ARSJ: variants seen among roughly 807,000 people sequenced by gnomAD.
ARSJ encodes arylsulfatase family member J, also known as arylsulfatase J.
A neutral mutation model predicts 35.9 loss-of-function variants in ARSJ; 26 were observed. The observed-to-expected ratio is 0.72, with a 90% CI of 0.53 to 1.00. The LOEUF (loss-of-function observed/expected upper bound fraction) is 1.00, where lower values mean the gene tolerates loss of function less well. ARSJ is among the 50% of genes least tolerant of loss of function. The pLI is 0.00. For synonymous variants in ARSJ, 294 were observed against 267.6 expected, an observed-to-expected ratio of 1.10 and a Z score of -0.96; for missense variants, 667 against 723.6, an observed-to-expected ratio of 0.92 and a Z score of 0.90.
intron 1 of ARSJ, among the ~76,000 whole-genome samples, chr4:113,925,987 C>G: frequency 6.6e-6 from 1 of 152,090 alleles, no homozygotes. Context: ...AACCTCCATC[C>G]CTGCCACCAT....
At chr4:113,927,247 A>G (rs1248730245) in intron 1 of ARSJ, among the ~76,000 whole-genome samples, 1 of 152,002 alleles carries the variant, frequency 6.6e-6, no homozygotes, top group African/African-American at 2.4e-5. Context: ...AACAGACCCC[A>G]CTCCACTGGA....
Position 113,909,946 on chromosome 4 carries a change from A to G in ARSJ, c.399-6271T>C, listed in dbSNP as rs578097906. Reference sequence around the variant, plus strand: ...GGAAGATTCCACAAACATCGATTATATATTTAACATTTATTTGTATAATAT... The same window carrying G: ...GGAAGATTCCACAAACATCGATTATGTATTTAACATTTATTTGTATAATAT... On this transcript the variant is annotated intron_variant, in intron 1 of 1. Coordinates refer to ENST00000315366, the MANE Select transcript of ARSJ (RefSeq NM_024590.4). 2.7e-4 allele frequency among the ~76,000 whole-genome samples: 41 copies of G among 152,296 alleles called. No individual in the cohort carries two copies. The South Asian group carries it at 8.1e-3, about 30-fold the overall frequency.
chr4:113,912,227 A>C (rs1387522216), intron 1 of ARSJ, among the ~76,000 whole-genome samples: 1 of 152,200 alleles, frequency 6.6e-6, no homozygotes, highest in African/African-American at 2.4e-5. Context: ...GAAAAGCAAG[A>C]AGCAGCATTA....
rs1473742903 is a variant in ARSJ, at chr4:113,903,853, T to TA, written c.399-179dup. The stretch of plus-strand genomic sequence containing the variant: ...CTTTACTCACAAGTCTTACTCTAAT[T>TA]AACTTCCTATTTAACATTTGAAATG... On this transcript the variant is annotated intron_variant, in intron 1 of 1. Transcript: ENST00000315366. 1.9e-3 allele frequency among the ~76,000 whole-genome samples: 282 copies of TA among 151,814 alleles called. 4 individuals are homozygous for TA. Among genetic ancestry groups the TA allele is most frequent in the African/African-American group, 6.6e-3 (269 of 41,056 alleles).
At chr4:113,968,411 A>C (rs1727027657) in intron 1 of ARSJ, among the ~76,000 whole-genome samples, 1 of 152,216 alleles carries the variant, frequency 6.6e-6, no homozygotes, top group African/African-American at 2.4e-5. Flanking sequence ...AGTATGCAGA[A>C]AAGACGGTAG....
chr4:113,948,952 A>G (rs1011947255), intron 1 of ARSJ, among the ~76,000 whole-genome samples: 1 of 152,160 alleles, frequency 6.6e-6, no homozygotes, highest in Non-Finnish European at 1.5e-5. Flanking sequence ...ATGCCCATCA[A>G]TGATAGACTG....
chr4:113,964,727 T>C (rs11733587), intron 1 of ARSJ, among the ~76,000 whole-genome samples: 49,762 of 151,938 alleles, frequency 0.33, 9,303 homozygotes, highest in Non-Finnish European at 0.44. Context: ...CGCAGTGTTA[T>C]TCAGTATGGT....
intron 1 of ARSJ, among the ~76,000 whole-genome samples, chr4:113,949,763 T>G (rs911815756): frequency 2.6e-4 from 39 of 152,216 alleles, no homozygotes; most frequent in African/African-American, 9.1e-4. Flanking sequence ...CATCTGAATA[T>G]GAAGAAATGA....
At chr4:113,925,453 G>A (rs1419398787) in intron 1 of ARSJ, among the ~76,000 whole-genome samples, 1 of 152,092 alleles carries the variant, frequency 6.6e-6, no homozygotes, top group African/African-American at 2.4e-5. Flanking sequence ...CTGATTCAGA[G>A]CATACATGAC....
chr4:113,978,171 G>A (rs1727705491), intron 1 of ARSJ, among the ~76,000 whole-genome samples: 1 of 152,058 alleles, frequency 6.6e-6, no homozygotes, highest in Non-Finnish European at 1.5e-5. Flanking sequence ...CTGGTTTGTG[G>A]GTATTTATAC....
Position 113,902,784 on chromosome 4 carries a change from T to C in ARSJ, c.1290A>G (p.Lys430=). The change falls in exon 2 of 2, where the codon AAA becomes AAG. Residue 430 remains lysine, a synonymous_variant. Transcript: ENST00000315366. ...HNIDPIYTKA[K]NGSWAAGYGI... is the part of the protein sequence containing the mutation. The stretch of plus-strand genomic sequence containing the variant: ...CATAGCCTGCTGCCCAGGAGCCATT[T>C]TTTGCCTTGGTGTATATGGGGTCAA... The C allele has an allele frequency of 1.2e-6, 2 of 1,614,166 alleles. No individual in the cohort carries two copies. Among genetic ancestry groups the C allele is most frequent in the Non-Finnish European group, 1.7e-6 (2 of 1,180,028 alleles).
chr4:113,933,304 T>C (rs1403921304), intron 1 of ARSJ, among the ~76,000 whole-genome samples: 1 of 151,770 alleles, frequency 6.6e-6, no homozygotes, highest in African/African-American at 2.4e-5. Flanking sequence ...CTACTAAAAA[T>C]CTTCAAAAAA....
chr4:113,961,960 T>C (rs1726574321), intron 1 of ARSJ, among the ~76,000 whole-genome samples: 1 of 151,580 alleles, frequency 6.6e-6, no homozygotes, highest in Non-Finnish European at 1.5e-5. Flanking sequence ...TGATATTTGA[T>C]GCAATCAATA....
chr4:113,971,245 A>C (rs550514655), intron 1 of ARSJ, among the ~76,000 whole-genome samples: 1 of 152,330 alleles, frequency 6.6e-6, no homozygotes, highest in South Asian at 2.1e-4. Context: ...AAAGACTTTT[A>C]TACTGAGCTC....
At chr4:113,951,817 A>C (rs970321377) in intron 1 of ARSJ, among the ~76,000 whole-genome samples, 2 of 152,026 alleles carry the variant, frequency 1.3e-5, no homozygotes, top group African/African-American at 4.8e-5. Context: ...TGCGTTTAAG[A>C]GTTTGAGGGG....
chr4:113,938,753 G>A (rs1403513859), intron 1 of ARSJ, among the ~76,000 whole-genome samples: 2 of 151,736 alleles, frequency 1.3e-5, no homozygotes, highest in African/African-American at 2.4e-5. Context: ...TAAAAATGGG[G>A]CAAAGTAGGT....
chr4:113,920,098 G>A (rs1392200378), intron 1 of ARSJ, among the ~76,000 whole-genome samples: 1 of 152,044 alleles, frequency 6.6e-6, no homozygotes, highest in Non-Finnish European at 1.5e-5. Flanking sequence ...GTTGGAGTAG[G>A]ACCTTAGAGC....
At chr4:113,961,439 C>T (rs1726532412) in intron 1 of ARSJ, among the ~76,000 whole-genome samples, 1 of 152,060 alleles carries the variant, frequency 6.6e-6, no homozygotes, top group Admixed American at 6.6e-5. Flanking sequence ...GATTTCAATA[C>T]TGTGTGTGGT....
In ARSJ at chr4:113,902,317, G is replaced by A. The variant is rs1383796278; in HGVS notation, c.1757C>T (p.Ala586Val). 6.2e-7 allele frequency: 1 copy of A among 1,612,876 alleles called. No homozygotes were observed. Among genetic ancestry groups the A allele is most frequent in the South Asian group, 1.1e-5 (1 of 91,062 alleles). ...SKKKKKKQQK[A>V]VSGSTCHSGV... ...TGAATGGCAAGTTGAACCTGAGACT[G>A]CTTTCTGCTGTTTCTTCTTCTTTTT... Residue 586 changes from alanine to valine, a missense_variant, in exon 2 of 2, where the codon GCA (alanine) becomes GTA (valine). By Grantham distance (64) the Ala-to-Val change is moderately conservative. Coordinates refer to ENST00000315366, the MANE Select transcript of ARSJ (RefSeq NM_024590.4).
Sources: gnomAD v4.1 joint callset for allele counts (sites outside exome capture counted in the v4.1 genomes callset) on GRCh38, gnomAD v4.1.1 for gene constraint, MANE v1.5 for transcripts, NCBI Gene and HGNC (gene_info 2026-07-23, HGNC 2026-07-21) for gene names.